The following RBFOX1 variants were observed in gnomAD, a reference collection of about 807,000 sequenced individuals.
RBFOX1 encodes the protein RNA binding fox-1 homolog 1.
A neutral mutation model predicts 57.7 loss-of-function variants in RBFOX1; 8 were observed. The ratio of observed to expected loss-of-function variants is 0.14; its 90% confidence interval spans 0.08 to 0.25. The LOEUF (loss-of-function observed/expected upper bound fraction) is 0.25, where lower values mean the gene tolerates loss of function less well. Among genes scored for constraint, RBFOX1 ranks in the 10% least tolerant of loss-of-function variants. The pLI, the probability that RBFOX1 is intolerant of heterozygous loss-of-function variation, is 1.00. For synonymous variants in RBFOX1, 326 were observed against 222.4 expected (o/e 1.47, Z -4.15); for missense variants, 611 against 548.5 (o/e 1.11, Z -1.14).
intron 4 of RBFOX1, among the ~76,000 whole-genome samples, chr16:7,439,079 ACT>A (rs2149814387): frequency 6.6e-6 from 1 of 152,214 alleles, no homozygotes; most frequent in African/African-American, 2.4e-5. Flanking sequence ...CTCTCTGTGC[ACT>A]CTCAGTGTGC....
intron 1 of RBFOX1, among the ~76,000 whole-genome samples, chr16:5,249,654 ATTTG>A (rs958078089): frequency 3.3e-5 from 5 of 152,202 alleles, no homozygotes; most frequent in Middle Eastern, 3.4e-3. Flanking sequence ...ACAAATTATT[ATTTG>A]TTCATTTGTA....
chr16:6,495,336 C>G (rs2095740121), intron 2 of RBFOX1, among the ~76,000 whole-genome samples: 2 of 152,200 alleles, frequency 1.3e-5, no homozygotes, highest in South Asian at 4.2e-4. Flanking sequence ...CCAGGCTGGT[C>G]TCGAACTCCT....
chr16:5,811,877 A>C (rs543373603), intron 3 of RBFOX1, among the ~76,000 whole-genome samples: 1 of 152,314 alleles, frequency 6.6e-6, no homozygotes, highest in South Asian at 2.1e-4. Flanking sequence ...ACCACAATTT[A>C]GCTTTAGAAC....
chr16:7,455,419 C>G (rs2058298457), intron 4 of RBFOX1, among the ~76,000 whole-genome samples: 1 of 152,164 alleles, frequency 6.6e-6, no homozygotes, highest in Non-Finnish European at 1.5e-5. Flanking sequence ...AAGAATATAA[C>G]AGCTCCCAGA....
At chr16:5,338,227 G>A (rs953480277) in intron 1 of RBFOX1, among the ~76,000 whole-genome samples, 3 of 152,064 alleles carry the variant, frequency 2.0e-5, no homozygotes, top group Non-Finnish European at 4.4e-5. Flanking sequence ...TGGGAGCCAC[G>A]TTTTTATTCC....
At chr16:7,400,599 A>T (rs947647704) in intron 4 of RBFOX1, among the ~76,000 whole-genome samples, 1 of 152,188 alleles carries the variant, frequency 6.6e-6, no homozygotes, top group African/African-American at 2.4e-5. Context: ...AGAAATTTGG[A>T]AATAGGTGGT....
Position 7,191,050 on chromosome 16 carries a change from G to A in RBFOX1, c.27+138952G>A, listed in dbSNP as rs138615319. Among the ~76,000 whole-genome samples, 243 of 152,032 alleles carry A rather than the reference G, an allele frequency of 1.6e-3. 1 individual carries two copies. Among genetic ancestry groups the A allele is most frequent in the Middle Eastern group, 3.4e-3 (1 of 294 alleles). On this transcript the variant is annotated intron_variant, in intron 4 of 15. Transcript: ENST00000550418. ...TGTCTAGATGATCAATCCTATTCGG[G>A]GACCCCTTGGATGTGAGTGTGATAT...
At position 7,481,661 on chromosome 16, in the gene RBFOX1, A is replaced by C. The variant is rs539986090; in HGVS notation, c.28-36486A>C. The stretch of plus-strand genomic sequence containing the variant: ...AACATATTTGGTATTCCTTGTACCA[A>C]CCTTATAAGAATGCTTTGAGTATGA... On this transcript the variant is annotated intron_variant, in intron 4 of 15. Transcript: ENST00000550418. 9.2e-5 allele frequency among the ~76,000 whole-genome samples: 14 copies of C among 152,320 alleles called. No individual in the cohort carries two copies. The South Asian group carries it at 2.9e-3, about 32-fold the overall frequency.
chr16:5,822,723 C>T (rs1597385457), intron 3 of RBFOX1, among the ~76,000 whole-genome samples: 2 of 152,284 alleles, frequency 1.3e-5, no homozygotes, highest in East Asian at 1.9e-4. Flanking sequence ...CTGGAGAGTC[C>T]ATCCTGGGCT....
chr16:5,666,577 G>A (rs947496056), intron 3 of RBFOX1, among the ~76,000 whole-genome samples: 1 of 152,166 alleles, frequency 6.6e-6, no homozygotes, highest in Admixed American at 6.5e-5. Context: ...ACGTACCTAA[G>A]CCAACAGTGT....
intron 3 of RBFOX1, among the ~76,000 whole-genome samples, chr16:6,661,303 T>G (rs1487725215): frequency 6.6e-6 from 1 of 152,136 alleles, no homozygotes; most frequent in Non-Finnish European, 1.5e-5. Flanking sequence ...GCTCTGTCGG[T>G]CTATGAAAGG....
At chr16:6,350,705 T>A (rs2086214315) in intron 2 of RBFOX1, among the ~76,000 whole-genome samples, 1 of 152,166 alleles carries the variant, frequency 6.6e-6, no homozygotes, top group East Asian at 1.9e-4. Context: ...TAAAGCATTG[T>A]CCATGGATTT....
chr16:6,892,903 C>A (rs1194886841), intron 3 of RBFOX1, among the ~76,000 whole-genome samples: 7 of 151,904 alleles, frequency 4.6e-5, no homozygotes, highest in African/African-American at 1.7e-4. Context: ...CACTCACTCT[C>A]AGTCTTTGCT....
chr16:7,346,369 T>G (rs1475258306), intron 4 of RBFOX1, among the ~76,000 whole-genome samples: 3 of 151,650 alleles, frequency 2.0e-5, no homozygotes, highest in Non-Finnish European at 2.9e-5. Context: ...TGTATTTTCT[T>G]TAGTATTTGG....
chr16:7,313,472 TGTC>T (rs1400764305), intron 4 of RBFOX1, among the ~76,000 whole-genome samples: 53 of 65,994 alleles, frequency 8.0e-4, no homozygotes, highest in African/African-American at 2.5e-3. Context: ...TTTCTTTTCT[TGTC>T]TTTTTTTTTT....
At chr16:6,472,210 C>T (rs781729016) in intron 2 of RBFOX1, among the ~76,000 whole-genome samples, 13 of 152,184 alleles carry the variant, frequency 8.5e-5, no homozygotes, top group Non-Finnish European at 1.8e-4. Context: ...GTGTCTGACC[C>T]AGGTCCCTGG....
intron 4 of RBFOX1, among the ~76,000 whole-genome samples, chr16:7,105,892 C>T (rs1057091027): frequency 6.6e-6 from 1 of 152,190 alleles, no homozygotes; most frequent in East Asian, 1.9e-4. Context: ...GGTATTGTTT[C>T]ACTCAGGAGA....
intron 1 of RBFOX1, among the ~76,000 whole-genome samples, chr16:6,032,767 G>T (rs1469839318): frequency 2.6e-5 from 4 of 152,078 alleles, no homozygotes; most frequent in Non-Finnish European, 5.9e-5. Context: ...CGTTTTTTAG[G>T]TTTGGAGAAG....
At chr16:6,258,096 T>C (rs540770617) in intron 1 of RBFOX1, among the ~76,000 whole-genome samples, 1 of 152,264 alleles carries the variant, frequency 6.6e-6, no homozygotes. Flanking sequence ...TTAATAAAAT[T>C]CCCATGCCCT....
Sources: gnomAD v4.1 joint callset for allele counts (sites outside exome capture counted in the v4.1 genomes callset) on GRCh38, gnomAD v4.1.1 for gene constraint, MANE v1.5 for transcripts, NCBI Gene and HGNC (gene_info 2026-07-23, HGNC 2026-07-21) for gene names.